The following LSAMP variants were observed in gnomAD, a reference collection of about 807,000 sequenced individuals.
LSAMP encodes limbic system associated membrane protein.
A neutral mutation model predicts 38.6 loss-of-function variants in LSAMP; 7 were observed. That is an observed-to-expected ratio of 0.18 (90% CI 0.10 to 0.34). The LOEUF (loss-of-function observed/expected upper bound fraction) is 0.34, where lower values mean the gene tolerates loss of function less well. LSAMP is among the 10% of genes least tolerant of loss of function. The probability of loss-of-function intolerance (pLI) is 1.00; values close to 1 mark genes in which losing one functional copy is unlikely to be tolerated. For synonymous variants in LSAMP, 154 were observed against 166.8 expected, an observed-to-expected ratio of 0.92 and a Z score of 0.59; for missense variants, 313 against 420.0, an observed-to-expected ratio of 0.75 and a Z score of 2.23.
intron 2 of LSAMP, among the ~76,000 whole-genome samples, chr3:116,064,614 CA>C (rs1576341581): frequency 6.6e-6 from 1 of 150,824 alleles, no homozygotes; most frequent in East Asian, 1.9e-4. Flanking sequence ...AAAGTATTAA[CA>C]GATACAATTA....
At chr3:116,425,279 T>C (rs1398763023) in intron 1 of LSAMP, among the ~76,000 whole-genome samples, 1 of 152,192 alleles carries the variant, frequency 6.6e-6, no homozygotes, top group Non-Finnish European at 1.5e-5. Flanking sequence ...AAGGGAAAAA[T>C]AGATCCTCTA....
chr3:115,900,954 C>T (rs1483492390), intron 3 of LSAMP, among the ~76,000 whole-genome samples: 1 of 152,102 alleles, frequency 6.6e-6, no homozygotes. Context: ...GAGATTCTTA[C>T]TTTCTTCCCT....
At chr3:116,367,495 C>CTTTTTTTTTTTTTTT (rs751600891) in intron 1 of LSAMP, among the ~76,000 whole-genome samples, 1 of 133,352 alleles carries the variant, frequency 7.5e-6, no homozygotes. Context: ...TATTTTCTTC[C>CTTTTTTTTTTTTTTT]TTTTTTTTTT....
At chr3:116,391,334 G>T (rs901008432) in intron 1 of LSAMP, among the ~76,000 whole-genome samples, 5 of 151,730 alleles carry the variant, frequency 3.3e-5, no homozygotes, top group African/African-American at 1.2e-4. Context: ...CGCTGACTGC[G>T]CTGTCCCACC....
At chr3:116,192,075 T>C (rs1710767049) in intron 1 of LSAMP, among the ~76,000 whole-genome samples, 1 of 152,248 alleles carries the variant, frequency 6.6e-6, no homozygotes, top group African/African-American at 2.4e-5. Flanking sequence ...TAAAATATTC[T>C]ATTACAGCAA....
chr3:116,097,844 T>A (rs1708258154), intron 1 of LSAMP, among the ~76,000 whole-genome samples: 1 of 151,994 alleles, frequency 6.6e-6, no homozygotes, highest in African/African-American at 2.4e-5. Context: ...CAAGCAATTC[T>A]CCTGCCTCAG....
chr3:116,236,778 A>G (rs1480892019), intron 1 of LSAMP, among the ~76,000 whole-genome samples: 1 of 152,022 alleles, frequency 6.6e-6, no homozygotes, highest in Non-Finnish European at 1.5e-5. Context: ...ATTTGAATAA[A>G]CCACAATGTA....
At chr3:116,387,549 C>CGTTTG (rs2048641158) in intron 1 of LSAMP, among the ~76,000 whole-genome samples, 1 of 152,030 alleles carries the variant, frequency 6.6e-6, no homozygotes, top group South Asian at 2.1e-4. Context: ...AACAAAAAAA[C>CGTTTG]TTAGTCCAAA....
chr3:116,233,138 C>T (rs1202219611), intron 1 of LSAMP, among the ~76,000 whole-genome samples: 1 of 151,972 alleles, frequency 6.6e-6, no homozygotes, highest in Non-Finnish European at 1.5e-5. Context: ...AAAAAATGTG[C>T]AGGCACATTT....
At chr3:116,097,984 C>T (rs1228660118) in intron 1 of LSAMP, among the ~76,000 whole-genome samples, 1 of 152,076 alleles carries the variant, frequency 6.6e-6, no homozygotes, top group East Asian at 1.9e-4. Context: ...ATCCACCCAC[C>T]TTGGCCTCCC....
rs1933617459 is a variant in LSAMP at position 115,805,852 on chromosome 3, T to G, written c.*4465A>C. On this transcript the variant is annotated 3_prime_UTR_variant, in exon 7 of 7. Coordinates refer to ENST00000490035, the MANE Select transcript of LSAMP (RefSeq NM_002338.5). ...ATTATGCCAACCATGATGGAAAATT[T>G]ACATCACTGAGGCAAATGCAGTCTT... 6.6e-6 allele frequency: 1 copy of G among 152,236 alleles called. No homozygotes were observed. Among genetic ancestry groups the G allele is most frequent in the Admixed American group, 6.5e-5 (1 of 15,284 alleles). The allele number at this position is 152,236 out of a possible 1,614,324, so 9.4% of individuals were successfully genotyped here.
intron 1 of LSAMP, among the ~76,000 whole-genome samples, chr3:116,288,215 C>T (rs1051976480): frequency 6.6e-6 from 1 of 152,162 alleles, no homozygotes; most frequent in Non-Finnish European, 1.5e-5. Flanking sequence ...CACTCATGCT[C>T]TCTTTGGAGC....
chr3:115,909,345 C>G (rs149410088), intron 3 of LSAMP, among the ~76,000 whole-genome samples: 1 of 152,282 alleles, frequency 6.6e-6, no homozygotes, highest in African/African-American at 2.4e-5. Context: ...GCAAGTGGTC[C>G]TTTCATGCTT....
chr3:116,386,998 G>A (rs537142378), intron 1 of LSAMP, among the ~76,000 whole-genome samples: 23 of 152,184 alleles, frequency 1.5e-4, no homozygotes, highest in Non-Finnish European at 2.8e-4. Flanking sequence ...AGGACACAAC[G>A]TTTATCTTAT....
intron 3 of LSAMP, among the ~76,000 whole-genome samples, chr3:115,905,711 C>G (rs1306335455): frequency 3.3e-5 from 5 of 152,134 alleles, no homozygotes; most frequent in Admixed American, 3.3e-4. Flanking sequence ...AAAGAAGTCA[C>G]TTATAAGGCC....
At chr3:116,200,904 A>G (rs7613671) in intron 1 of LSAMP, among the ~76,000 whole-genome samples, 7,107 of 152,182 alleles carry the variant, frequency 0.047, 189 homozygotes, top group Middle Eastern at 0.099. Context: ...AATTCATCCC[A>G]AGCTCCCACC....
intron 1 of LSAMP, among the ~76,000 whole-genome samples, chr3:116,261,502 T>C (rs1186995815): frequency 1.3e-5 from 2 of 152,228 alleles, no homozygotes; most frequent in Admixed American, 6.5e-5. Context: ...CTCTTCTTCA[T>C]AGCATTCTTC....
intron 3 of LSAMP, among the ~76,000 whole-genome samples, chr3:115,977,865 AG>A (rs1303288640): frequency 3.9e-5 from 6 of 152,176 alleles, no homozygotes; most frequent in Non-Finnish European, 7.3e-5. Context: ...AAAAGAAAGA[AG>A]ACATAGTCTT....
intron 1 of LSAMP, among the ~76,000 whole-genome samples, chr3:116,113,420 A>ATATTTTTTTTTTTTTTT (rs1553705042): frequency 3.9e-5 from 2 of 51,044 alleles, no homozygotes; most frequent in African/African-American, 1.9e-4. Flanking sequence ...ATATATATAT[A>ATATTTTTTTTTTTTTTT]TTTTTTTTTT....
Sources: gnomAD v4.1 joint callset for allele counts (sites outside exome capture counted in the v4.1 genomes callset) on GRCh38, gnomAD v4.1.1 for gene constraint, MANE v1.5 for transcripts, NCBI Gene and HGNC (gene_info 2026-07-23, HGNC 2026-07-21) for gene names.